Variants in RAB3C observed in about 807,000 individuals in gnomAD.
RAB3C encodes RAB3C, member RAS oncogene family.
Under a neutral mutation model 26.4 loss-of-function variants are expected in RAB3C, and 17 were observed. The ratio of observed to expected loss-of-function variants is 0.64; its 90% CI spans 0.44 to 0.97. The LOEUF is 0.97. RAB3C is among the 50% of genes least tolerant of loss of function. RAB3C has a pLI of 0.00. For synonymous variants in RAB3C, 91 were observed against 95.9 expected, an observed-to-expected ratio of 0.95 and a Z score of 0.30; for missense variants, 242 against 281.9, an observed-to-expected ratio of 0.86 and a Z score of 1.01.
intron 3 of RAB3C, among the ~76,000 whole-genome samples, chr5:58,766,316 C>G (rs1422589520): frequency 3.9e-5 from 6 of 151,948 alleles, no homozygotes; most frequent in Non-Finnish European, 8.8e-5. Flanking sequence ...TGGGGTTTCA[C>G]CATCTTGGCC....
chr5:58,799,683 G>T (rs144834842), intron 3 of RAB3C, among the ~76,000 whole-genome samples: 11 of 152,294 alleles, frequency 7.2e-5, no homozygotes, highest in Non-Finnish European at 1.5e-4. Flanking sequence ...CTCAGGGAAG[G>T]AGAAAGGCAC....
At chr5:58,830,212 A>C (rs1743582737) in intron 4 of RAB3C, among the ~76,000 whole-genome samples, 1 of 152,204 alleles carries the variant, frequency 6.6e-6, no homozygotes, top group South Asian at 2.1e-4. Context: ...TTGAAGTAGA[A>C]AGAGATACAT....
intron 2 of RAB3C, among the ~76,000 whole-genome samples, chr5:58,723,497 T>A (rs1431205637): frequency 6.6e-6 from 1 of 151,844 alleles, no homozygotes; most frequent in Non-Finnish European, 1.5e-5. Flanking sequence ...CCTCCTTGGA[T>A]CACTCTTCTC....
chr5:58,746,441 C>T (rs964622942), intron 3 of RAB3C, among the ~76,000 whole-genome samples: 9 of 152,272 alleles, frequency 5.9e-5, no homozygotes, highest in South Asian at 2.1e-4. Context: ...CAGCAGCTAA[C>T]GGAGAGGGTC....
intron 2 of RAB3C, among the ~76,000 whole-genome samples, chr5:58,651,647 A>G (rs1024880858): frequency 6.6e-6 from 1 of 152,156 alleles, no homozygotes; most frequent in Non-Finnish European, 1.5e-5. Flanking sequence ...TTAATTATTC[A>G]TTCATCCAAC....
Position 58,608,648 on chromosome 5 carries a change from G to C in RAB3C, c.25-8995G>C, listed in dbSNP as rs1025589266. On this transcript the variant is annotated intron_variant, in intron 1 of 4. Coordinates refer to ENST00000282878, the MANE Select transcript of RAB3C (RefSeq NM_138453.4). ...AGTGTGGCAGTTCCTCAAGGATCTG[G>C]AACTAGAAATACCATTTGACTCAGA... Among the ~76,000 whole-genome samples, 6 of 151,938 alleles carry C rather than the reference G, an allele frequency of 3.9e-5. No homozygotes were observed. The East Asian group carries it at 1.2e-3, about 29-fold the overall frequency.
chr5:58,605,997 T>C (rs1746559552), intron 1 of RAB3C, among the ~76,000 whole-genome samples: 1 of 152,042 alleles, frequency 6.6e-6, no homozygotes, highest in Non-Finnish European at 1.5e-5. Flanking sequence ...TGAAGACGGG[T>C]GATTTCTGCA....
intron 2 of RAB3C, among the ~76,000 whole-genome samples, chr5:58,652,700 GAA>G (rs36112651): frequency 0.26 from 37,707 of 146,320 alleles, 5,292 homozygotes; most frequent in African/African-American, 0.38. Context: ...CTTGATAAAG[GAA>G]AAAAAAAAAA....
rs181947727 is a variant in RAB3C at position 58,602,034 on chromosome 5, T to C, written c.25-15609T>C. ...ACTGCCTTAGCTGTATCCCAGAGGT[T>C]TTGATAGGTTGTGTCATTATTGTCA... is the stretch of plus-strand genomic sequence containing the variant. On this transcript the variant is annotated intron_variant, in intron 1 of 4. Transcript: ENST00000282878. Among the ~76,000 whole-genome samples the C allele has an allele frequency of 2.6e-4, 39 of 152,258 alleles. No individual in the cohort carries two copies. The East Asian group carries it at 7.1e-3, about 28-fold the overall frequency.
At chr5:58,786,153 GT>G (rs1193061760) in intron 3 of RAB3C, among the ~76,000 whole-genome samples, 1 of 152,226 alleles carries the variant, frequency 6.6e-6, no homozygotes, top group East Asian at 1.9e-4. Flanking sequence ...CAATAGGAAA[GT>G]AATACAAGTA....
intron 3 of RAB3C, among the ~76,000 whole-genome samples, chr5:58,763,366 A>T (rs1741835675): frequency 6.6e-6 from 1 of 152,206 alleles, no homozygotes; most frequent in African/African-American, 2.4e-5. Context: ...AAGGAGTGGT[A>T]TTACATGTTC....
chr5:58,779,374 G>T (rs1561127531), intron 3 of RAB3C, among the ~76,000 whole-genome samples: 1 of 147,160 alleles, frequency 6.8e-6, no homozygotes, highest in Non-Finnish European at 1.5e-5. Context: ...ATATATATAT[G>T]ATTTTATGTA....
At chr5:58,710,607 TAAATAAATAAATAA>T (rs1561296800) in intron 2 of RAB3C, among the ~76,000 whole-genome samples, 3 of 147,778 alleles carry the variant, frequency 2.0e-5, no homozygotes, top group African/African-American at 7.5e-5. Context: ...TCAAAATAAA[TAAATAAATAAATAA>T]ATAAATAAAT....
At chr5:58,777,368 T>C (rs528246751) in intron 3 of RAB3C, among the ~76,000 whole-genome samples, 1 of 152,304 alleles carries the variant, frequency 6.6e-6, no homozygotes, top group East Asian at 1.9e-4. Flanking sequence ...CAGGGTGTTC[T>C]GTGTTCTAGA....
chr5:58,600,083 C>T (rs1405884702), intron 1 of RAB3C, among the ~76,000 whole-genome samples: 1 of 152,106 alleles, frequency 6.6e-6, no homozygotes, highest in Admixed American at 6.6e-5. Flanking sequence ...CCAATTATCC[C>T]AGCACCAGTT....
intron 4 of RAB3C, among the ~76,000 whole-genome samples, chr5:58,848,933 T>C (rs1383227949): frequency 6.6e-6 from 1 of 152,202 alleles, no homozygotes; most frequent in East Asian, 1.9e-4. Flanking sequence ...TGCCATTATT[T>C]CTGGCACATT....
Position 58,797,359 on chromosome 5 carries a change from T to TAA in RAB3C, c.372-27678_372-27677insAA, listed in dbSNP as rs1561133474. On this transcript the variant is annotated intron_variant, in intron 3 of 4. Coordinates refer to ENST00000282878, the MANE Select transcript of RAB3C (RefSeq NM_138453.4). ...GAAGACAAAAAAAAAAAAAAATATGTATATATATAATATATATATATATAT... is the reference window on the plus strand; with the variant it reads ...GAAGACAAAAAAAAAAAAAAATATGTAAATATATATAATATATATATATATAT... Among the ~76,000 whole-genome samples the TAA allele has an allele frequency of 1.2e-3, 21 of 17,084 alleles. 1 individual carries two copies. The highest frequency in any genetic ancestry group is 1.5e-3 in the Non-Finnish European group (16 of 11,026). 11.2% of individuals were successfully genotyped at this position (17,084 alleles called of 152,430 possible). A position where few individuals can be genotyped will look rare whatever the true frequency, so the allele number is the denominator to read the frequency against.
chr5:58,609,786 G>C (rs1009092362), intron 1 of RAB3C, among the ~76,000 whole-genome samples: 7 of 152,074 alleles, frequency 4.6e-5, no homozygotes, highest in African/African-American at 1.7e-4. Context: ...AAAGAAAAAA[G>C]ATAAATAAAA....
At chr5:58,585,934 C>A (rs1019480550) in intron 1 of RAB3C, among the ~76,000 whole-genome samples, 1 of 152,040 alleles carries the variant, frequency 6.6e-6, no homozygotes, top group African/African-American at 2.4e-5. Context: ...TCATTTGTAT[C>A]TTCTCATTCA....
Sources: gnomAD v4.1 joint callset for allele counts (sites outside exome capture counted in the v4.1 genomes callset) on GRCh38, gnomAD v4.1.1 for gene constraint, MANE v1.5 for transcripts, NCBI Gene and HGNC (gene_info 2026-07-23, HGNC 2026-07-21) for gene names.